Variants in FGF14 observed in about 807,000 individuals in gnomAD.
The protein encoded by FGF14 is fibroblast growth factor 14.
Under a neutral mutation model 25.5 loss-of-function variants are expected in FGF14, and 5 were observed. The observed-to-expected ratio is 0.20, with a 90% CI of 0.10 to 0.41. The LOEUF is 0.41. FGF14 is among the 10% of genes least tolerant of loss of function. The pLI, the probability that FGF14 is intolerant of heterozygous loss-of-function variation, is 1.00. For missense variants in FGF14, 222 were observed against 320.1 expected, an observed-to-expected ratio of 0.69 and a Z score of 2.34; for synonymous variants, 138 against 118.3, an observed-to-expected ratio of 1.17 and a Z score of -1.08.
intron 1 of FGF14, among the ~76,000 whole-genome samples, chr13:102,250,898 G>T (rs1566863494): frequency 6.6e-6 from 1 of 152,048 alleles, no homozygotes; most frequent in Non-Finnish European, 1.5e-5. Flanking sequence ...TATAAATTTT[G>T]TAATAAAATA....
At chr13:102,154,993 G>C (rs544842981) in intron 1 of FGF14, among the ~76,000 whole-genome samples, 2 of 152,238 alleles carry the variant, frequency 1.3e-5, no homozygotes, top group East Asian at 1.9e-4. Context: ...CCAAATACAG[G>C]AGCATACAGA....
intron 1 of FGF14, among the ~76,000 whole-genome samples, chr13:101,984,117 A>G (rs1294912532): frequency 6.6e-6 from 1 of 152,208 alleles, no homozygotes; most frequent in African/African-American, 2.4e-5. Context: ...TGTGGGAACT[A>G]AACAAGATGA....
chr13:102,359,173 G>A (rs1315807229), intron 1 of FGF14, among the ~76,000 whole-genome samples: 1 of 152,030 alleles, frequency 6.6e-6, no homozygotes, highest in Non-Finnish European at 1.5e-5. Context: ...TGTCAGTGGG[G>A]GTGGGGGGAA....
At chr13:101,796,036 A>G (rs1041149643) in intron 3 of FGF14, among the ~76,000 whole-genome samples, 1 of 152,132 alleles carries the variant, frequency 6.6e-6, no homozygotes, top group Non-Finnish European at 1.5e-5. Flanking sequence ...AACACTTTAT[A>G]TATGTCCAAA....
intron 1 of FGF14, among the ~76,000 whole-genome samples, chr13:102,096,973 T>G (rs1410795844): frequency 6.6e-6 from 1 of 151,998 alleles, no homozygotes; most frequent in Non-Finnish European, 1.5e-5. Context: ...TGTACTCATA[T>G]AAATTCCCAT....
At chr13:102,332,222 C>A (rs548158409) in intron 1 of FGF14, among the ~76,000 whole-genome samples, 1 of 151,718 alleles carries the variant, frequency 6.6e-6, no homozygotes, top group African/African-American at 2.4e-5. Flanking sequence ...TGTGGTAGGA[C>A]AGTGGATCCT....
intron 1 of FGF14, among the ~76,000 whole-genome samples, chr13:102,075,193 A>G (rs2043309219): frequency 6.6e-6 from 1 of 152,232 alleles, no homozygotes; most frequent in Admixed American, 6.5e-5. Flanking sequence ...CTTCACCAGA[A>G]AACTGTTGGA....
intron 1 of FGF14, among the ~76,000 whole-genome samples, chr13:102,191,828 C>T (rs2049135031): frequency 6.6e-6 from 1 of 152,096 alleles, no homozygotes; most frequent in Non-Finnish European, 1.5e-5. Context: ...TAAAACCATA[C>T]AAGTTATGTG....
At chr13:101,909,098 G>T (rs1272830937) in intron 1 of FGF14, among the ~76,000 whole-genome samples, 1 of 152,140 alleles carries the variant, frequency 6.6e-6, no homozygotes, top group African/African-American at 2.4e-5. Context: ...ATTCAAGATG[G>T]ATTAAAGACT....
chr13:101,853,828 C>G (rs1270232113), intron 3 of FGF14, among the ~76,000 whole-genome samples: 1 of 151,996 alleles, frequency 6.6e-6, no homozygotes, highest in Non-Finnish European at 1.5e-5. Flanking sequence ...AAAAAAATTA[C>G]AGACTGATAC....
chr13:102,228,266 A>C (rs1409905388), intron 1 of FGF14, among the ~76,000 whole-genome samples: 1 of 152,194 alleles, frequency 6.6e-6, no homozygotes. Context: ...TAGTTTCTCA[A>C]CGGTAGCTTT....
chr13:102,035,093 A>G (rs1191385687), intron 1 of FGF14, among the ~76,000 whole-genome samples: 1 of 152,204 alleles, frequency 6.6e-6, no homozygotes, highest in East Asian at 1.9e-4. Flanking sequence ...GGAGAAATCA[A>G]GTGAGGTTGT....
chr13:101,964,530 T>C (rs1021973610), intron 1 of FGF14, among the ~76,000 whole-genome samples: 4 of 152,164 alleles, frequency 2.6e-5, no homozygotes, highest in Non-Finnish European at 5.9e-5. Context: ...AGCCTCATCA[T>C]TGTGATATCA....
chr13:102,289,878 T>TCC (rs1175869953), intron 1 of FGF14, among the ~76,000 whole-genome samples: 1 of 152,062 alleles, frequency 6.6e-6, no homozygotes, highest in African/African-American at 2.4e-5. Flanking sequence ...TTTTGGTCTC[T>TCC]CTCTCTCTCT....
At chr13:102,164,980 G>C (rs1190487743) in intron 1 of FGF14, among the ~76,000 whole-genome samples, 1 of 152,146 alleles carries the variant, frequency 6.6e-6, no homozygotes. Flanking sequence ...GACATGGCTG[G>C]AGAGGAGAAT....
At chr13:102,078,424 C>A (rs1218601476) in intron 1 of FGF14, among the ~76,000 whole-genome samples, 1 of 150,568 alleles carries the variant, frequency 6.6e-6, no homozygotes, top group Non-Finnish European at 1.5e-5. Context: ...AAAAACAAGT[C>A]AAACAATACA....
At chr13:101,930,339 A>G (rs1226686907) in intron 1 of FGF14, among the ~76,000 whole-genome samples, 1 of 152,082 alleles carries the variant, frequency 6.6e-6, no homozygotes, top group Non-Finnish European at 1.5e-5. Context: ...AGCCAAATTA[A>G]TTTCCTGCAT....
chr13:101,829,455 T>C (rs2140274165), intron 3 of FGF14, among the ~76,000 whole-genome samples: 1 of 152,178 alleles, frequency 6.6e-6, no homozygotes, highest in South Asian at 2.1e-4. Context: ...GGTTAAAAAG[T>C]AGTGAATTAT....
intron 1 of FGF14, among the ~76,000 whole-genome samples, chr13:101,924,684 T>C (rs1244411727): frequency 6.6e-6 from 1 of 152,244 alleles, no homozygotes; most frequent in East Asian, 1.9e-4. Flanking sequence ...GAAAAGCTTT[T>C]AGTTCTAGTG....
Sources: allele counts gnomAD v4.1 joint callset (sites outside exome capture counted in the v4.1 genomes callset), GRCh38; gene constraint gnomAD v4.1.1; transcripts MANE v1.5; gene names NCBI Gene and HGNC (gene_info 2026-07-23, HGNC 2026-07-21).